PCDH9: variants seen among roughly 807,000 people sequenced by gnomAD.
PCDH9 encodes protocadherin 9, also known as protocadherin-9.
PCDH9 carries 24 observed loss-of-function variants against 70.6 expected under a neutral mutation model. That is an observed-to-expected ratio of 0.34 (90% confidence interval 0.25 to 0.48). The LOEUF is 0.48. PCDH9 is among the 20% of genes least tolerant of loss of function. The pLI, the probability that PCDH9 is intolerant of heterozygous loss-of-function variation, is 0.99. For missense variants in PCDH9, 1,281 were observed against 1,503.6 expected (o/e 0.85, Z 2.45); for synonymous variants, 562 against 558.5 (o/e 1.01, Z -0.09).
chr13:67,077,466 C>T (rs2085900412), intron 2 of PCDH9, among the ~76,000 whole-genome samples: 1 of 152,136 alleles, frequency 6.6e-6, no homozygotes, highest in South Asian at 2.1e-4. Context: ...ATTCCTTGTT[C>T]CTCTACACCC....
chr13:66,411,158 A>G (rs1957362460), intron 4 of PCDH9, among the ~76,000 whole-genome samples: 1 of 152,230 alleles, frequency 6.6e-6, no homozygotes, highest in Non-Finnish European at 1.5e-5. Context: ...TTTCCACATA[A>G]TGGCTGGCAT....
chr13:66,675,283 G>C (rs138885916), intron 3 of PCDH9, among the ~76,000 whole-genome samples: 11 of 152,052 alleles, frequency 7.2e-5, no homozygotes, highest in Middle Eastern at 3.4e-3. Flanking sequence ...CTTTGTCCAC[G>C]GTTTGATTTT....
intron 4 of PCDH9, among the ~76,000 whole-genome samples, chr13:66,509,918 A>G (rs1959384251): frequency 6.6e-6 from 1 of 152,234 alleles, no homozygotes; most frequent in Non-Finnish European, 1.5e-5. Context: ...ACATTTTTCT[A>G]TGAAAACAAA....
chr13:66,336,450 A>C (rs1956039427), intron 4 of PCDH9, among the ~76,000 whole-genome samples: 1 of 152,158 alleles, frequency 6.6e-6, no homozygotes, highest in Middle Eastern at 3.4e-3. Flanking sequence ...AAAATAACAA[A>C]GCTATCTCAA....
intron 2 of PCDH9, among the ~76,000 whole-genome samples, chr13:66,999,384 A>G (rs1008741506): frequency 1.6e-4 from 24 of 152,290 alleles, no homozygotes; most frequent in African/African-American, 5.1e-4. Context: ...TCTAAGGACT[A>G]TACTTCAAGG....
intron 3 of PCDH9, among the ~76,000 whole-genome samples, chr13:66,668,616 T>C (rs1047102621): frequency 2.6e-5 from 4 of 152,136 alleles, no homozygotes; most frequent in African/African-American, 7.2e-5. Context: ...GATGTGAAAA[T>C]CTTGGTGAAA....
intron 3 of PCDH9, among the ~76,000 whole-genome samples, chr13:66,730,897 T>TTTTTTTG (rs2079070380): frequency 7.7e-6 from 1 of 129,100 alleles, no homozygotes; most frequent in Non-Finnish European, 1.6e-5. Context: ...GTTTGTTTCT[T>TTTTTTTG]TTTTTTTGTG....
intron 3 of PCDH9, among the ~76,000 whole-genome samples, chr13:66,898,596 G>A (rs189800651): frequency 6.6e-6 from 1 of 151,996 alleles, no homozygotes; most frequent in East Asian, 1.9e-4. Context: ...GAAAATACAG[G>A]TATGTGGTAT....
intron 3 of PCDH9, among the ~76,000 whole-genome samples, chr13:66,849,531 G>GAC (rs1270972026): frequency 6.7e-6 from 1 of 148,512 alleles, no homozygotes; most frequent in East Asian, 2.0e-4. Flanking sequence ...GAGAGAGAGA[G>GAC]AGAGAGAGAG....
intron 3 of PCDH9, among the ~76,000 whole-genome samples, chr13:66,707,171 G>A (rs1234860013): frequency 6.6e-6 from 1 of 152,122 alleles, no homozygotes; most frequent in East Asian, 1.9e-4. Context: ...GGTCATACTT[G>A]GTCCTTAACC....
At chr13:66,529,227 G>GT (rs199558861) in intron 4 of PCDH9, among the ~76,000 whole-genome samples, 3,184 of 152,208 alleles carry the variant, frequency 0.021, 94 homozygotes, top group Admixed American at 0.074. Flanking sequence ...GGAAGTTGAA[G>GT]TTAATAACTC....
At chr13:66,894,523 T>C (rs1220827248) in intron 3 of PCDH9, among the ~76,000 whole-genome samples, 1 of 152,154 alleles carries the variant, frequency 6.6e-6, no homozygotes, top group Non-Finnish European at 1.5e-5. Context: ...AACATTCTTC[T>C]GCTATATCCA....
intron 4 of PCDH9, among the ~76,000 whole-genome samples, chr13:66,351,333 C>A (rs1294099424): frequency 6.6e-6 from 1 of 152,114 alleles, no homozygotes; most frequent in Non-Finnish European, 1.5e-5. Context: ...CATTTTACAT[C>A]TTTCATGCCG....
At chr13:67,141,438 T>C (rs572050691) in intron 2 of PCDH9, among the ~76,000 whole-genome samples, 4 of 151,964 alleles carry the variant, frequency 2.6e-5, no homozygotes, top group African/African-American at 4.8e-5. Flanking sequence ...TCTCTCTTTA[T>C]TTTATTATTA....
chr13:66,336,114 A>T (rs965101845), intron 4 of PCDH9, among the ~76,000 whole-genome samples: 1 of 152,120 alleles, frequency 6.6e-6, no homozygotes, highest in African/African-American at 2.4e-5. Flanking sequence ...GCCCCATCTG[A>T]GGACTCTATA....
At chr13:66,834,248 C>T (rs115847461) in intron 3 of PCDH9, among the ~76,000 whole-genome samples, 5,036 of 151,298 alleles carry the variant, frequency 0.033, 281 homozygotes, top group African/African-American at 0.12. Context: ...AACTCCGTCC[C>T]CCGAGCTCAA....
At chr13:66,530,904 C>A (rs1309881665) in intron 4 of PCDH9, among the ~76,000 whole-genome samples, 1 of 151,926 alleles carries the variant, frequency 6.6e-6, no homozygotes, top group Admixed American at 6.6e-5. Context: ...AAATCACTGA[C>A]TTTTACCACT....
chr13:67,107,641 G>A (rs2086574897), intron 2 of PCDH9, among the ~76,000 whole-genome samples: 1 of 152,144 alleles, frequency 6.6e-6, no homozygotes, highest in South Asian at 2.1e-4. Context: ...GCTCAATGAA[G>A]CTCCTCTCCA....
At chr13:67,118,162 C>G (rs1477012311) in intron 2 of PCDH9, among the ~76,000 whole-genome samples, 1 of 151,988 alleles carries the variant, frequency 6.6e-6, no homozygotes, top group Non-Finnish European at 1.5e-5. Flanking sequence ...GTAGAAAATT[C>G]TGCTGCGGAT....
Sources: allele counts gnomAD v4.1 joint callset (sites outside exome capture counted in the v4.1 genomes callset), GRCh38; gene constraint gnomAD v4.1.1; transcripts MANE v1.5; gene names NCBI Gene and HGNC (gene_info 2026-07-23, HGNC 2026-07-21).